Variants in CTNNAL1 observed in about 807,000 individuals in gnomAD.
CTNNAL1 encodes the protein alpha-catulin.
Under a neutral mutation model 93.6 loss-of-function variants are expected in CTNNAL1, and 69 were observed. The ratio of observed to expected loss-of-function variants is 0.74; its 90% confidence interval spans 0.61 to 0.90. The LOEUF is 0.90. CTNNAL1 is among the 40% of genes least tolerant of loss of function. The pLI is 0.00. For missense variants in CTNNAL1, 836 were observed against 862.0 expected, an observed-to-expected ratio of 0.97 and a Z score of 0.38; for synonymous variants, 286 against 305.4, an observed-to-expected ratio of 0.94 and a Z score of 0.66.
intron 4 of CTNNAL1, among the ~76,000 whole-genome samples, chr9:108,986,831 G>C (rs1269251935): frequency 6.6e-6 from 1 of 152,166 alleles, no homozygotes; most frequent in Non-Finnish European, 1.5e-5. Flanking sequence ...GTCTTCTTTT[G>C]AGAAGTGTCT....
chr9:108,988,974 A>G (rs1040588176), intron 4 of CTNNAL1, among the ~76,000 whole-genome samples: 5 of 152,228 alleles, frequency 3.3e-5, no homozygotes, highest in African/African-American at 1.2e-4. Context: ...ACCCAGGAGT[A>G]GCACTTATCA....
chr9:109,013,422 G>A lies in CTNNAL1; in HGVS notation c.21C>T (p.Pro7=), dbSNP rs1241798728. Residue 7 remains proline (P), a synonymous_variant, in exon 1 of 19, where the codon CCC becomes CCT. Transcript: ENST00000325551. The part of the protein sequence containing the change: MAASPG[P]AGVGGAGAVY... ...CTGCTCCGGCGCCGCCAACGCCGGC[G>A]GGTCCGGGAGAGGCGGCCATGGCCC... 2 of 1,480,470 alleles carry A rather than the reference G, an allele frequency of 1.4e-6. No homozygotes were observed. Among genetic ancestry groups the A allele is most frequent in the East Asian group, 3.0e-5 (1 of 33,748 alleles). 91.7% of individuals were successfully genotyped at this position (1,480,470 alleles called of 1,614,324 possible).
At chr9:108,972,081 T>TG (rs1831129720) in intron 9 of CTNNAL1, among the ~76,000 whole-genome samples, 1 of 152,170 alleles carries the variant, frequency 6.6e-6, no homozygotes, top group African/African-American at 2.4e-5. Context: ...GAATGGGCCT[T>TG]GACTCCCATG....
chr9:109,002,152 C>G (rs765157838), intron 1 of CTNNAL1, among the ~76,000 whole-genome samples: 15 of 152,190 alleles, frequency 9.9e-5, no homozygotes, highest in Admixed American at 2.0e-4. Context: ...GTCCTGCTTA[C>G]AGTTCTGGAG....
Position 108,943,012 on chromosome 9 carries a change from CAT to C in CTNNAL1, c.2086_2087del (p.Met696AspfsTer13). On this transcript the variant is annotated frameshift_variant, in exon 18 of 19. Transcript: ENST00000325551. LOFTEE classifies it high-confidence loss of function. ...VDKCITKTRS[M>X]MALLVQLLSL... Reference sequence around the variant, plus strand: ...AAAGAAGTTGGACTAAGAGAGCCATCATGGATCTTGTCTTCGTAATACACTTG... The same window carrying C: ...AAAGAAGTTGGACTAAGAGAGCCATCGGATCTTGTCTTCGTAATACACTTG... The C allele has an allele frequency of 2.5e-6, 4 of 1,612,716 alleles. No homozygotes were observed. Among genetic ancestry groups the C allele is most frequent in the Non-Finnish European group, 3.4e-6 (4 of 1,179,712 alleles).
chr9:108,993,004 TA>T (rs3831238), intron 2 of CTNNAL1, among the ~76,000 whole-genome samples, 185 bp from the exon 3 acceptor site: 10,901 of 152,198 alleles, frequency 0.072, 481 homozygotes, highest in Admixed American at 0.13. Flanking sequence ...AACCAGAAAA[TA>T]ATAGCACACT....
chr9:108,969,043 G>A (rs1219687278), intron 10 of CTNNAL1, among the ~76,000 whole-genome samples: 4 of 152,022 alleles, frequency 2.6e-5, no homozygotes, highest in East Asian at 1.9e-4. Flanking sequence ...AGGCCGAGGC[G>A]GGGGGATCAT....
chr9:108,964,477 A>T (rs961278320), intron 11 of CTNNAL1, among the ~76,000 whole-genome samples: 1 of 152,220 alleles, frequency 6.6e-6, no homozygotes, highest in African/African-American at 2.4e-5. Context: ...AGTACAATGG[A>T]AAATAAACAA....
Position 108,943,827 on chromosome 9 carries a change from A to C in CTNNAL1, c.1942-11T>G. 1 of 1,611,860 alleles carries C rather than the reference A, an allele frequency of 6.2e-7. No individual in the cohort carries two copies. On this transcript the variant is annotated splice_polypyrimidine_tract_variant and intron_variant, in intron 16 of 18. Coordinates refer to ENST00000325551, the MANE Select transcript of CTNNAL1 (RefSeq NM_003798.4). ...GTCATCGTCTTTCAGCTGAAATGTA[A>C]TTTAACAAGTTATAACAGCCCGCAA...
intron 2 of CTNNAL1, among the ~76,000 whole-genome samples, chr9:108,995,196 A>C (rs1473761626): frequency 6.6e-6 from 1 of 152,256 alleles, no homozygotes; most frequent in Non-Finnish European, 1.5e-5. Context: ...AACAGAGAAC[A>C]AAAGTGCTTA....
At chr9:108,964,613 T>C (rs908280792) in intron 11 of CTNNAL1, among the ~76,000 whole-genome samples, 2 of 152,126 alleles carry the variant, frequency 1.3e-5, no homozygotes, top group African/African-American at 2.4e-5. Flanking sequence ...CAAGATTATG[T>C]AGTCATCAAG....
intron 1 of CTNNAL1, among the ~76,000 whole-genome samples, chr9:109,011,512 C>T (rs1342509627): frequency 6.6e-6 from 1 of 152,198 alleles, no homozygotes; most frequent in Non-Finnish European, 1.5e-5. Context: ...AGCTGTAAGA[C>T]TGATACATTT....
chr9:109,007,464 A>G (rs554299097), intron 1 of CTNNAL1, among the ~76,000 whole-genome samples: 41 of 152,304 alleles, frequency 2.7e-4, no homozygotes, highest in African/African-American at 9.6e-4. Context: ...AGACAGGAAA[A>G]GACTAGTGGG....
chr9:108,946,569 T>A (rs1587940469), intron 15 of CTNNAL1, among the ~76,000 whole-genome samples: 1 of 152,194 alleles, frequency 6.6e-6, no homozygotes, highest in African/African-American at 2.4e-5. Flanking sequence ...ATCACCTCTG[T>A]ATTCTAGTCG....
At position 108,943,739 on chromosome 9, in the gene CTNNAL1, T is replaced by TA; in HGVS notation, c.2018dup (p.Thr674AsnfsTer2). On this transcript the variant is annotated frameshift_variant, in exon 17 of 19. Coordinates refer to ENST00000325551, the MANE Select transcript of CTNNAL1 (RefSeq NM_003798.4). LOFTEE classifies it high-confidence loss of function. ...CTTTATTCTGCAAAGAAGTCTTAGT[T>TA]ACTGTCTGGAGCTGGTGGCATAGAG... 6.2e-7 allele frequency: 1 copy of TA among 1,613,446 alleles called. No individual in the cohort carries two copies. Among genetic ancestry groups the TA allele is most frequent in the Non-Finnish European group, 8.5e-7 (1 of 1,179,794 alleles).
At chr9:108,985,937 G>T (rs2132160936) in intron 4 of CTNNAL1, among the ~76,000 whole-genome samples, 1 of 152,230 alleles carries the variant, frequency 6.6e-6, no homozygotes, top group Non-Finnish European at 1.5e-5. Flanking sequence ...AACCCAGATG[G>T]TCCATGAAGC....
At chr9:109,004,157 G>A (rs73654208) in intron 1 of CTNNAL1, among the ~76,000 whole-genome samples, 2,952 of 152,234 alleles carry the variant, frequency 0.019, 94 homozygotes, top group African/African-American at 0.068. Context: ...CTCACATCAT[G>A]AGCCTAAGGA....
intron 11 of CTNNAL1, 56 bp downstream of exon 11, chr9:108,965,322 C>A: frequency 7.7e-7 from 1 of 1,302,098 alleles, no homozygotes; most frequent in Non-Finnish European, 9.9e-7. Flanking sequence ...CATTAAAAAA[C>A]TAACAAGAGT....
At chr9:108,963,824 T>C (rs1830881720) in intron 11 of CTNNAL1, among the ~76,000 whole-genome samples, 5 of 152,190 alleles carry the variant, frequency 3.3e-5, no homozygotes, top group Admixed American at 3.3e-4. Flanking sequence ...TACACTAACT[T>C]CAGGTAGTGC....
Sources: gnomAD v4.1 joint callset for allele counts (sites outside exome capture counted in the v4.1 genomes callset) on GRCh38, gnomAD v4.1.1 for gene constraint, MANE v1.5 for transcripts, NCBI Gene and HGNC (gene_info 2026-07-23, HGNC 2026-07-21) for gene names.